KCNH1: variants seen among roughly 807,000 people sequenced by gnomAD.
KCNH1 encodes the protein voltage-gated delayed rectifier potassium channel KCNH1.
KCNH1 carries 27 observed loss-of-function variants against 69.2 expected under a neutral mutation model. That is an observed-to-expected ratio of 0.39 (90% CI 0.29 to 0.54). KCNH1 has a LOEUF of 0.54. Among genes scored for constraint, KCNH1 ranks in the 20% least tolerant of loss-of-function variants. The pLI is 0.68. For missense variants in KCNH1, 798 were observed against 1,261.6 expected (o/e 0.63, Z 5.57); for synonymous variants, 456 against 487.7 (o/e 0.93, Z 0.86).
At chr1:210,708,054 T>TA (rs1681957796) in intron 10 of KCNH1, among the ~76,000 whole-genome samples, 1 of 152,182 alleles carries the variant, frequency 6.6e-6, no homozygotes, top group Non-Finnish European at 1.5e-5. Flanking sequence ...ACACAGCTCA[T>TA]CACATGGAGC....
chr1:211,025,592 G>C (rs116215403), intron 5 of KCNH1, among the ~76,000 whole-genome samples: 1,838 of 152,184 alleles, frequency 0.012, 16 homozygotes, highest in Middle Eastern at 0.034. Flanking sequence ...TAATGTGAAA[G>C]AGTCTTGGAA....
At chr1:210,925,647 A>T (rs1309977642) in intron 6 of KCNH1, among the ~76,000 whole-genome samples, 1 of 152,216 alleles carries the variant, frequency 6.6e-6, no homozygotes, top group Non-Finnish European at 1.5e-5. Context: ...CAGCACAGGC[A>T]GCCATCATCC....
intron 7 of KCNH1, among the ~76,000 whole-genome samples, chr1:210,836,701 G>A (rs1685290292): frequency 6.6e-6 from 1 of 152,308 alleles, no homozygotes; most frequent in African/African-American, 2.4e-5. Context: ...GGGTCTCATA[G>A]GAGAGAGAGG....
At chr1:211,079,131 G>C (rs1043514153) in intron 5 of KCNH1, among the ~76,000 whole-genome samples, 1 of 151,852 alleles carries the variant, frequency 6.6e-6, no homozygotes, top group Non-Finnish European at 1.5e-5. Context: ...ATGATAAAGG[G>C]GTTATCACCA....
At chr1:211,056,430 A>G (rs1690306538) in intron 5 of KCNH1, among the ~76,000 whole-genome samples, 1 of 152,182 alleles carries the variant, frequency 6.6e-6, no homozygotes, top group African/African-American at 2.4e-5. Flanking sequence ...GCTCCTGGAC[A>G]GTATCTCTGG....
intron 3 of KCNH1, among the ~76,000 whole-genome samples, chr1:211,101,296 T>C (rs569202731): frequency 2.7e-5 from 4 of 147,912 alleles, no homozygotes; most frequent in South Asian, 4.4e-4. Context: ...TAAAAAGCTA[T>C]TGGAAAGACA....
At chr1:211,100,409 G>C (rs1337589574) in intron 3 of KCNH1, among the ~76,000 whole-genome samples, 1 of 152,136 alleles carries the variant, frequency 6.6e-6, no homozygotes, top group Non-Finnish European at 1.5e-5. Flanking sequence ...CTGAAGAGCA[G>C]TGGCACAATC....
chr1:211,126,430 A>C (rs1448004848), intron 1 of KCNH1, among the ~76,000 whole-genome samples: 1 of 151,900 alleles, frequency 6.6e-6, no homozygotes, highest in Non-Finnish European at 1.5e-5. Context: ...GAATGGCCTG[A>C]ACCCGGGAGG....
chr1:211,089,393 A>C (rs980370897), intron 4 of KCNH1, among the ~76,000 whole-genome samples: 1 of 152,212 alleles, frequency 6.6e-6, no homozygotes, highest in Non-Finnish European at 1.5e-5. Context: ...CATCTGCTGC[A>C]GTCTTAAAAC....
At chr1:210,935,317 G>C (rs115068334) in intron 6 of KCNH1, among the ~76,000 whole-genome samples, 39 of 152,136 alleles carry the variant, frequency 2.6e-4, no homozygotes, top group African/African-American at 8.2e-4. Flanking sequence ...AGATAAAAAG[G>C]TTTCTCATAG....
rs535465737 is a variant in KCNH1 at position 211,124,628 on chromosome 1, AAGAG to A, written c.79+9235_79+9238del. On this transcript the variant is annotated intron_variant, in intron 1 of 10. Transcript: ENST00000271751. ...AAGACTCGGTCAAAAGAAAGAAAGA[AAGAG>A]AGAGAGAGAGAGACCACTTTATCCA... Among the ~76,000 whole-genome samples, 370 of 151,378 alleles carry A rather than the reference AAGAG, an allele frequency of 2.4e-3. 3 individuals are homozygous for A. Among genetic ancestry groups the A allele is most frequent in the East Asian group, 7.0e-3 (36 of 5,158 alleles).
At chr1:210,925,756 C>T (rs897851140) in intron 6 of KCNH1, among the ~76,000 whole-genome samples, 2 of 152,182 alleles carry the variant, frequency 1.3e-5, no homozygotes, top group Admixed American at 6.5e-5. Context: ...CTCAGACATG[C>T]CTATCCCTGT....
At chr1:210,742,302 TGA>T (rs1415641028) in intron 10 of KCNH1, among the ~76,000 whole-genome samples, 1 of 152,170 alleles carries the variant, frequency 6.6e-6, no homozygotes, top group Non-Finnish European at 1.5e-5. Context: ...TCATTCAAGG[TGA>T]TTTGTCCTCA....
intron 1 of KCNH1, among the ~76,000 whole-genome samples, chr1:211,120,852 A>G (rs1691671672): frequency 6.6e-6 from 1 of 152,184 alleles, no homozygotes; most frequent in Admixed American, 6.5e-5. Context: ...TACAAAATCT[A>G]TGTGCAAAAA....
At chr1:211,128,954 A>G (rs1408446775) in intron 1 of KCNH1, among the ~76,000 whole-genome samples, 1 of 152,220 alleles carries the variant, frequency 6.6e-6, no homozygotes. Flanking sequence ...ACTTGCTTAC[A>G]AATAGAATAT....
intron 7 of KCNH1, among the ~76,000 whole-genome samples, chr1:210,903,320 T>C (rs1210801277): frequency 6.6e-6 from 1 of 152,206 alleles, no homozygotes; most frequent in Non-Finnish European, 1.5e-5. Context: ...GTTTTATTTA[T>C]CTCAGCATCT....
chr1:210,926,355 T>C (rs770211801), intron 6 of KCNH1, among the ~76,000 whole-genome samples: 5 of 152,142 alleles, frequency 3.3e-5, no homozygotes, highest in Non-Finnish European at 7.3e-5. Context: ...CTGGTATCCA[T>C]GGCTGCAAGA....
intron 7 of KCNH1, among the ~76,000 whole-genome samples, chr1:210,906,821 A>G (rs1469431679): frequency 6.6e-6 from 1 of 152,224 alleles, no homozygotes; most frequent in Non-Finnish European, 1.5e-5. Context: ...TACAATGTGA[A>G]GAAGTAATCA....
At chr1:210,844,811 CA>C (rs1306404273) in intron 7 of KCNH1, among the ~76,000 whole-genome samples, 1 of 151,958 alleles carries the variant, frequency 6.6e-6, no homozygotes, top group Admixed American at 6.6e-5. Flanking sequence ...AAAAGATCAA[CA>C]AAATTGATAG....
Sources: gnomAD v4.1 joint callset for allele counts (sites outside exome capture counted in the v4.1 genomes callset) on GRCh38, gnomAD v4.1.1 for gene constraint, MANE v1.5 for transcripts, NCBI Gene and HGNC (gene_info 2026-07-23, HGNC 2026-07-21) for gene names.